ROBO2: variants seen among roughly 807,000 people sequenced by gnomAD.
ROBO2 encodes roundabout guidance receptor 2.
A neutral mutation model predicts 160.8 loss-of-function variants in ROBO2; 53 were observed. The observed-to-expected ratio is 0.33, with a 90% CI of 0.26 to 0.41. The LOEUF (loss-of-function observed/expected upper bound fraction) is 0.41. Among genes scored for constraint, ROBO2 ranks in the 10% least tolerant of loss-of-function variants. The pLI is 1.00. For missense variants in ROBO2, 1,577 were observed against 1,722.4 expected (o/e 0.92, Z 1.49); for synonymous variants, 664 against 611.7 (o/e 1.09, Z -1.26).
intron 2 of ROBO2, among the ~76,000 whole-genome samples, chr3:76,342,553 A>G (rs2074291515): frequency 6.6e-6 from 1 of 152,078 alleles, no homozygotes; most frequent in Admixed American, 6.6e-5. Context: ...AATCGGCTAT[A>G]AGCAAATCTA....
intron 2 of ROBO2, among the ~76,000 whole-genome samples, chr3:76,803,770 A>G (rs1028621855): frequency 3.3e-5 from 5 of 152,172 alleles, no homozygotes; most frequent in African/African-American, 1.2e-4. Context: ...AAACAAATTT[A>G]TATAAGTGCT....
chr3:77,247,761 G>T (rs997218671), intron 2 of ROBO2, among the ~76,000 whole-genome samples: 13 of 152,142 alleles, frequency 8.5e-5, no homozygotes, highest in African/African-American at 3.1e-4. Context: ...GCGTCTGACT[G>T]ACAGGGTTTG....
chr3:76,182,906 C>A (rs1406169149), intron 2 of ROBO2, among the ~76,000 whole-genome samples: 1 of 152,086 alleles, frequency 6.6e-6, no homozygotes. Flanking sequence ...TTCCTGGTGT[C>A]TATTTGCTCT....
In ROBO2 at chr3:76,026,044, G is replaced by C. The variant is rs542481204; in HGVS notation, c.109+88442G>C. On this transcript the variant is annotated intron_variant, in intron 2 of 26. Coordinates refer to the ROBO2 transcript ENST00000487694. ...CTGTTGCATATACTTGGCTGACAGA[G>C]TTTTTGGTTTTTAAATTGATGACCA... is the stretch of plus-strand genomic sequence containing the variant. Among the ~76,000 whole-genome samples, 7 of 152,016 alleles carry C rather than the reference G, an allele frequency of 4.6e-5. 1 individual carries two copies. The South Asian group carries it at 1.5e-3, about 31-fold the overall frequency.
chr3:76,408,323 C>G (rs183863103), intron 2 of ROBO2, among the ~76,000 whole-genome samples: 1 of 152,144 alleles, frequency 6.6e-6, no homozygotes, highest in Non-Finnish European at 1.5e-5. Flanking sequence ...CTATTAAATT[C>G]ATGGACAAAA....
chr3:77,637,428 T>C (rs1055010482), intron 24 of ROBO2, among the ~76,000 whole-genome samples: 3 of 152,226 alleles, frequency 2.0e-5, no homozygotes, highest in Admixed American at 2.0e-4. Flanking sequence ...GGTTTACTTA[T>C]CTTTCCTGCT....
intron 2 of ROBO2, among the ~76,000 whole-genome samples, chr3:76,605,260 G>C (rs1161268191): frequency 1.3e-5 from 2 of 151,952 alleles, no homozygotes; most frequent in African/African-American, 4.8e-5. Flanking sequence ...TAAAGTTTCA[G>C]ATGAAGACAT....
At chr3:75,928,672 C>A (rs1250074384) in intron 1 of ROBO2, among the ~76,000 whole-genome samples, 1 of 152,192 alleles carries the variant, frequency 6.6e-6, no homozygotes, top group African/African-American at 2.4e-5. Flanking sequence ...TCCAAGAATG[C>A]TTGTTCCAGT....
intron 2 of ROBO2, among the ~76,000 whole-genome samples, chr3:76,360,730 C>T (rs1559821081): frequency 6.6e-6 from 1 of 151,958 alleles, no homozygotes; most frequent in Non-Finnish European, 1.5e-5. Context: ...AGATGTCATT[C>T]GGTGGGTGTT....
intron 25 of ROBO2, 57 bp from the exon 28 acceptor site, chr3:77,645,997 T>C: frequency 1.5e-6 from 2 of 1,315,996 alleles, no homozygotes; most frequent in South Asian, 2.6e-5. Flanking sequence ...GTTATGCTGG[T>C]CAGAAAAGCA....
intron 2 of ROBO2, among the ~76,000 whole-genome samples, chr3:76,060,740 A>C (rs978866687): frequency 6.6e-6 from 1 of 152,232 alleles, no homozygotes; most frequent in African/African-American, 2.4e-5. Context: ...TTTTCAAGTC[A>C]GGAATAGACA....
intron 2 of ROBO2, among the ~76,000 whole-genome samples, chr3:77,287,929 T>C (rs2153381747): frequency 6.6e-6 from 1 of 152,164 alleles, no homozygotes; most frequent in East Asian, 1.9e-4. Flanking sequence ...TCCTTTAGGA[T>C]CAGTGACAAT....
chr3:76,418,187 G>A (rs1277517702), intron 2 of ROBO2, among the ~76,000 whole-genome samples: 1 of 151,698 alleles, frequency 6.6e-6, no homozygotes, highest in Admixed American at 6.6e-5. Flanking sequence ...ACTTGCCAAT[G>A]GGATATACCA....
chr3:76,600,802 C>G (rs2087084923), intron 2 of ROBO2, among the ~76,000 whole-genome samples: 1 of 152,174 alleles, frequency 6.6e-6, no homozygotes, highest in South Asian at 2.1e-4. Context: ...CAAAACCCAT[C>G]ATGCCTTCCC....
intron 2 of ROBO2, among the ~76,000 whole-genome samples, chr3:76,794,473 T>A (rs769330211): frequency 6.6e-6 from 1 of 152,104 alleles, no homozygotes; most frequent in African/African-American, 2.4e-5. Flanking sequence ...AAATATAGTA[T>A]ACGTGAAGGT....
At position 76,992,356 on chromosome 3, in the gene ROBO2, TA is replaced by T. The variant is rs1559812169; in HGVS notation, c.110-105657del. Among the ~76,000 whole-genome samples, 564 of 71,466 alleles carry T rather than the reference TA, an allele frequency of 7.9e-3. 10 individuals are homozygous for T. The highest frequency in any genetic ancestry group is 0.02 in the African/African-American group (416 of 20,566). The allele number at this position is 71,466 out of a possible 152,430, so 46.9% of individuals were successfully genotyped here. On this transcript the variant is annotated intron_variant, in intron 2 of 26. Coordinates refer to the ROBO2 transcript ENST00000487694. ...ATATATATATATATATATATATATATATATATATATATAAATTTAGCTTTTG... is the reference window on the plus strand; with the variant it reads ...ATATATATATATATATATATATATATTATATATATATAAATTTAGCTTTTG...
chr3:77,639,579 A>G (rs1428780759), intron 24 of ROBO2, among the ~76,000 whole-genome samples: 1 of 152,222 alleles, frequency 6.6e-6, no homozygotes, highest in Non-Finnish European at 1.5e-5. Context: ...TGGCAAGTGA[A>G]GCTTGAGACT....
At chr3:77,350,828 G>A (rs564361980) in intron 2 of ROBO2, among the ~76,000 whole-genome samples, 1 of 152,274 alleles carries the variant, frequency 6.6e-6, no homozygotes, top group South Asian at 2.1e-4. Flanking sequence ...ACACAAGAGA[G>A]GCCCAGAAGA....
chr3:76,866,853 A>G (rs193122091), intron 2 of ROBO2, among the ~76,000 whole-genome samples: 2 of 152,234 alleles, frequency 1.3e-5, no homozygotes, highest in African/African-American at 4.8e-5. Context: ...AAGTAGACAC[A>G]CCTGCACATC....
Sources: gnomAD v4.1 joint callset for allele counts (sites outside exome capture counted in the v4.1 genomes callset) on GRCh38, gnomAD v4.1.1 for gene constraint, MANE v1.5 for transcripts, NCBI Gene and HGNC (gene_info 2026-07-23, HGNC 2026-07-21) for gene names.